The following RPS12 variants were observed in gnomAD, a reference collection of about 807,000 sequenced individuals.
The protein encoded by RPS12 is ribosomal protein S12, also known as small ribosomal subunit protein eS12.
A neutral mutation model predicts 17.2 loss-of-function variants in RPS12; 1 was observed. That is an observed-to-expected ratio of 0.06 (90% confidence interval 0.02 to 0.28). The LOEUF (loss-of-function observed/expected upper bound fraction) is 0.28, where lower values mean the gene tolerates loss of function less well. RPS12 is among the 10% of genes least tolerant of loss of function. RPS12 has a pLI of 1.00. For missense variants in RPS12, 146 were observed against 162.1 expected, an observed-to-expected ratio of 0.90 and a Z score of 0.54; for synonymous variants, 67 against 54.0, an observed-to-expected ratio of 1.24 and a Z score of -1.06.
At chr6:132,817,445 A>G (rs1346807720) in intron 5 of RPS12, 35 bp from the exon 6 acceptor site, 5 of 1,360,248 alleles carry the variant, frequency 3.7e-6, no homozygotes, top group Non-Finnish European at 4.2e-6. Flanking sequence ...CTAAATATTA[A>G]CAAGAAATTG....
At chr6:132,815,275 T>G in intron 3 of RPS12, 187 bp downstream of exon 3, 1 of 745,786 alleles carries the variant, frequency 1.3e-6, no homozygotes, top group Non-Finnish European at 2.5e-6. Flanking sequence ...GGGTTGCTGT[T>G]TGGAATGGGG....
At chr6:132,816,584 G>A (rs373024621) in intron 4 of RPS12, 21 bp downstream of exon 4, 334 of 1,499,764 alleles carry the variant, frequency 2.2e-4, no homozygotes, top group Non-Finnish European at 2.9e-4. Flanking sequence ...TAAGGATTGT[G>A]TTGGGACTAA....
Position 132,815,018 on chromosome 6 carries a change from G to A in RPS12, c.61G>A (p.Val21Ile), listed in dbSNP as rs774936815. The A allele has an allele frequency of 3.1e-6, 5 of 1,613,876 alleles. No individual in the cohort carries two copies. In the South Asian group the frequency reaches 5.5e-5, roughly 18 times the overall value. The change falls in exon 3 of 6, where the codon GTT (valine) becomes ATT (isoleucine). Residue 21 changes from valine (V) to isoleucine (I), a missense_variant. Around this residue, in one of 2 missense-constraint regions of RPS12, gnomAD observed 117 missense variants for 104.6 expected, o/e 1.12. Transcript: ENST00000230050. ...GGACGTTAATACTGCTTTACAAGAG[G>A]TTCTGAAGACTGCCCTCATCCACGA... Reference protein sequence around the residue: ...VMDVNTALQEVLKTALIHDGL... With the variant: ...VMDVNTALQEILKTALIHDGL...
chr6:132,816,071 T>C (rs1200890935), intron 3 of RPS12: 1 of 372,472 alleles, frequency 2.7e-6, no homozygotes, highest in African/African-American at 2.1e-5. Flanking sequence ...TGACCTCGGG[T>C]CATCTGCCCC....
chr6:132,815,250 C>T (rs1782020265), intron 3 of RPS12, 162 bp downstream of exon 3: 1 of 748,586 alleles, frequency 1.3e-6, no homozygotes, highest in Non-Finnish European at 2.5e-6. Context: ...TCTATAAAGC[C>T]CACTTAAAAT....
Position 132,814,955 on chromosome 6 carries a change from G to A in RPS12, c.15-17G>A, listed in dbSNP as rs183751207. On this transcript the variant is annotated splice_polypyrimidine_tract_variant and intron_variant, in intron 2 of 5. Transcript: ENST00000230050. ...TGTGAGGATTTTAACTGATGGTTCTGATGTGTCGCGTTTAAGCATTGCTGC... is the reference window on the plus strand; with the variant it reads ...TGTGAGGATTTTAACTGATGGTTCTAATGTGTCGCGTTTAAGCATTGCTGC... The A allele has an allele frequency of 7.4e-5, 115 of 1,543,804 alleles. 1 individual carries two copies. In the African/African-American group the frequency reaches 1.2e-3, roughly 16 times the overall value.
intron 1 of RPS12, 42 bp downstream of exon 1, chr6:132,814,655 T>C (rs936853596): frequency 8.1e-7 from 1 of 1,232,084 alleles, no homozygotes; most frequent in Non-Finnish European, 1.2e-6. Flanking sequence ...TGGTTATAAT[T>C]TGTGGCTCGT....
In RPS12 at chr6:132,817,303, CT is replaced by C. The variant is rs577213068; in HGVS notation, c.337-175del. 86 of 775,808 alleles carry C rather than the reference CT, an allele frequency of 1.1e-4. 2 individuals carry two copies. The South Asian group carries it at 1.1e-3, about 10-fold the overall frequency. 48.1% of individuals were successfully genotyped at this position (775,808 alleles called of 1,614,324 possible). A position where few individuals can be genotyped will look rare whatever the true frequency, so the allele number is the denominator to read the frequency against. On this transcript the variant is annotated intron_variant, in intron 5 of 5. Coordinates refer to ENST00000230050, the MANE Select transcript of RPS12 (RefSeq NM_001016.4). ...GCAATAGTAAAGCCATGTTACGAGC[CT>C]TAAGGACATTGAAGTCGTTAAGGTC...
intron 3 of RPS12, chr6:132,815,904 G>A (rs1484042588): frequency 8.9e-6 from 4 of 451,922 alleles, no homozygotes; most frequent in South Asian, 3.1e-5. Context: ...GTGCAGTGGC[G>A]CGATCTCATT....
chr6:132,814,902 C>G lies in RPS12; in HGVS notation c.15-70C>G, dbSNP rs9493451. 0.32 allele frequency: 447,793 copies of G among 1,409,292 alleles called. 74,492 individuals carry two copies. The highest frequency in any genetic ancestry group is 0.53 in the Admixed American group (31,304 of 59,616). The allele number at this position is 1,409,292 out of a possible 1,614,324, so 87.3% of individuals were successfully genotyped here. On this transcript the variant is annotated intron_variant, in intron 2 of 5. Transcript: ENST00000230050. ...GTAAGCGCGTCTGTTGTACACTTAG[C>G]TTTTGCTGAGTGCAAGGCCTTATGT... is the stretch of plus-strand genomic sequence containing the variant.
chr6:132,814,813 G>T (rs377319667), intron 2 of RPS12, 31 bp downstream of exon 2: 20 of 1,599,914 alleles, frequency 1.3e-5, no homozygotes, highest in Non-Finnish European at 1.7e-5. Flanking sequence ...TGGAGTTGGG[G>T]TCGGGGTGCG....
intron 4 of RPS12, 104 bp from the exon 5 acceptor site, chr6:132,816,856 A>C: frequency 1.2e-6 from 1 of 834,184 alleles, no homozygotes; most frequent in Non-Finnish European, 2.1e-6. Context: ...GGAAACTGCC[A>C]TGTCACCCTT....
Position 132,814,799 on chromosome 6 carries a change from G to A in RPS12, c.14+17G>A. The stretch of plus-strand genomic sequence containing the variant: ...CGAGGAAGGGTGAGCCCAGGGGCCG[G>A]GGTTGGAGTTGGGGTCGGGGTGCGG... On this transcript the variant is annotated intron_variant, in intron 2 of 5. Transcript: ENST00000230050. 1.2e-6 allele frequency: 2 copies of A among 1,612,128 alleles called. No individual in the cohort carries two copies. Among genetic ancestry groups the A allele is most frequent in the Non-Finnish European group, 1.7e-6 (2 of 1,178,346 alleles).
chr6:132,816,399 T>G, intron 3 of RPS12, 62 bp from the exon 4 acceptor site: 1 of 1,284,472 alleles, frequency 7.8e-7, no homozygotes, highest in East Asian at 2.3e-5. Flanking sequence ...CCTCCTAAAA[T>G]GCAAGAATGA....
chr6:132,816,761 A>G (rs768874234), intron 4 of RPS12, 198 bp downstream of exon 4: 16 of 768,742 alleles, frequency 2.1e-5, no homozygotes, highest in South Asian at 4.1e-5. Context: ...TGACGTTGGT[A>G]TACAACAAAG....
chr6:132,816,082 C>G, intron 3 of RPS12: 2 of 370,852 alleles, frequency 5.4e-6, no homozygotes, highest in Non-Finnish European at 1.1e-5. Context: ...CATCTGCCCC[C>G]CTCGTCTTCC....
Position 132,815,821 on chromosome 6 carries a change from CCA to C in RPS12, c.132-637_132-636del, listed in dbSNP as rs1157817245. ...GCATTTCATAACTGTTCCATTAATG[CCA>C]CAGTCTTTTTTTTTTCTTTTTTCTT... is the stretch of plus-strand genomic sequence containing the variant. On this transcript the variant is annotated intron_variant, in intron 3 of 5. Coordinates refer to ENST00000230050, the MANE Select transcript of RPS12 (RefSeq NM_001016.4). 11 of 439,300 alleles carry C rather than the reference CCA, an allele frequency of 2.5e-5. No homozygotes were observed. The East Asian group carries it at 3.5e-4, about 14-fold the overall frequency. 27.2% of individuals were successfully genotyped at this position (439,300 alleles called of 1,614,324 possible).
intron 4 of RPS12, 174 bp downstream of exon 4, chr6:132,816,737 T>C (rs1782070998): frequency 3.9e-6 from 3 of 769,064 alleles, no homozygotes; most frequent in South Asian, 2.7e-5. Flanking sequence ...ACCTGCAGAA[T>C]TGAATCCTAA....
chr6:132,814,813 G>A (rs377319667), intron 2 of RPS12, 31 bp downstream of exon 2: 2 of 1,600,032 alleles, frequency 1.2e-6, no homozygotes, highest in Non-Finnish European at 1.7e-6. Flanking sequence ...TGGAGTTGGG[G>A]TCGGGGTGCG....
Sources: allele counts gnomAD v4.1 joint callset, GRCh38; gene constraint gnomAD v4.1.1; regional missense constraint gnomAD v4.1.1; transcripts MANE v1.5; gene names NCBI Gene and HGNC (gene_info 2026-07-23, HGNC 2026-07-21).